C1orf198: variants seen among roughly 807,000 people sequenced by gnomAD.
C1orf198 encodes the protein chromosome 1 open reading frame 198, also known as uncharacterized protein C1orf198.
A neutral mutation model predicts 31.4 loss-of-function variants in C1orf198; 17 were observed. That is an observed-to-expected ratio of 0.54 (90% CI 0.37 to 0.81). The LOEUF is 0.81. Among genes scored for constraint, C1orf198 ranks in the 40% least tolerant of loss-of-function variants. The pLI is 0.00. For missense variants in C1orf198, 401 were observed against 450.3 expected, an observed-to-expected ratio of 0.89 and a Z score of 0.99; for synonymous variants, 175 against 193.8, an observed-to-expected ratio of 0.90 and a Z score of 0.81.
At chr1:230,862,161 C>A (rs968893074) in intron 1 of C1orf198, among the ~76,000 whole-genome samples, 7 of 152,132 alleles carry the variant, frequency 4.6e-5, no homozygotes, top group Non-Finnish European at 1.0e-4. Context: ...TCAGAGATGC[C>A]AGAGCCTGTC....
At chr1:230,841,344 G>A (rs1669435806) in intron 3 of C1orf198, among the ~76,000 whole-genome samples, 3 of 152,178 alleles carry the variant, frequency 2.0e-5, no homozygotes, top group South Asian at 2.1e-4. Flanking sequence ...CTCCCTCCTC[G>A]GGAGGACAGC....
At chr1:230,849,480 A>G (rs1669682947) in intron 2 of C1orf198, among the ~76,000 whole-genome samples, 1 of 152,158 alleles carries the variant, frequency 6.6e-6, no homozygotes, top group African/African-American at 2.4e-5. Flanking sequence ...CCCAGCCTCA[A>G]TGTCCCAAGT....
At position 230,843,190 on chromosome 1, in the gene C1orf198, T is replaced by C. The variant is rs1316862395; in HGVS notation, c.927+164A>G. Among the ~76,000 whole-genome samples, 3 of 152,048 alleles carry C rather than the reference T, an allele frequency of 2.0e-5. No individual in the cohort carries two copies. Among genetic ancestry groups the C allele is most frequent in the Non-Finnish European group, 2.9e-5 (2 of 68,018 alleles). On this transcript the variant is annotated intron_variant, in intron 3 of 3. Coordinates refer to ENST00000366663, the MANE Select transcript of C1orf198 (RefSeq NM_032800.3). This position sits in a 1 kb window ranked among gnomAD's most constrained non-coding sequence, Gnocchi z 4.9. ...ACTTGTCTTGTTGCATATTTGTTGG[T>C]GGCTCAGCACCCTGAGCCTAGGCAT...
At chr1:230,852,676 AT>A (rs1297611868) in intron 2 of C1orf198, among the ~76,000 whole-genome samples, 2 of 152,228 alleles carry the variant, frequency 1.3e-5, no homozygotes, top group African/African-American at 4.8e-5. Context: ...AAGATGGAAA[AT>A]TTTATGTTGT....
In C1orf198 at chr1:230,857,579, T is replaced by C. The variant is rs1434735624; in HGVS notation, c.334-1861A>G. Among the ~76,000 whole-genome samples, 1 of 152,060 alleles carries C rather than the reference T, an allele frequency of 6.6e-6. No homozygotes were observed. The highest frequency in any genetic ancestry group is 2.4e-5 in the African/African-American group (1 of 41,382). On this transcript the variant is annotated intron_variant, in intron 1 of 3. Transcript: ENST00000366663. The surrounding 1 kb of genome is among the most constrained non-coding windows in gnomAD (Gnocchi z 4.2). The stretch of plus-strand genomic sequence containing the variant: ...TGCTGTGTGCCTTGGCTCTGTGCAG[T>C]AGAGGCTGGTACATTTGTGGCACAA...
chr1:230,841,300 C>A (rs771596659), intron 3 of C1orf198, among the ~76,000 whole-genome samples: 3 of 152,128 alleles, frequency 2.0e-5, no homozygotes, highest in Non-Finnish European at 2.9e-5. Context: ...GATGTGGAGC[C>A]GAGGTGGGCA....
At chr1:230,850,584 A>T (rs1472638423) in intron 2 of C1orf198, among the ~76,000 whole-genome samples, 1 of 152,104 alleles carries the variant, frequency 6.6e-6, no homozygotes, top group Non-Finnish European at 1.5e-5. Flanking sequence ...CGAGTGACGC[A>T]TCGTCCCACA....
chr1:230,849,704 G>A (rs1669691163), intron 2 of C1orf198, among the ~76,000 whole-genome samples: 1 of 152,252 alleles, frequency 6.6e-6, no homozygotes, highest in South Asian at 2.1e-4. Flanking sequence ...AAAACTAACT[G>A]TTTGGCTTGG....
rs34864456 is a variant in C1orf198, at chr1:230,843,461, C to A, written c.820G>T (p.Ala274Ser). The A allele has an allele frequency of 0.015, 24,404 of 1,608,900 alleles. 2,810 individuals are homozygous for A. In the African/African-American group the frequency reaches 0.27, roughly 17 times the overall value. Reference protein sequence around the residue: ...RPQPVQAFSSALHEAAPSQLE... With the variant: ...RPQPVQAFSSSLHEAAPSQLE... ...TGGGAGGGGGCAGCCTCGTGCAGTG[C>A]ACTGCTGAAGGCCTGGACAGGCTGG... The change falls in exon 3 of 4, where the codon GCA becomes TCA. Residue 274 changes from alanine (A) to serine (S), a missense_variant. Coordinates refer to ENST00000366663, the MANE Select transcript of C1orf198 (RefSeq NM_032800.3). The surrounding 1 kb of genome is among the most constrained non-coding windows in gnomAD (Gnocchi z 4.9).
intron 1 of C1orf198, among the ~76,000 whole-genome samples, chr1:230,863,571 C>G (rs1670046122): frequency 6.6e-6 from 1 of 152,236 alleles, no homozygotes; most frequent in South Asian, 2.1e-4. Flanking sequence ...TTTGCTAAAC[C>G]TGTTCCCTGG....
At position 230,843,568 on chromosome 1, in the gene C1orf198, C is replaced by G; in HGVS notation, c.713G>C (p.Arg238Thr). The G allele has an allele frequency of 1.2e-6, 2 of 1,613,992 alleles. No homozygotes were observed. Among genetic ancestry groups the G allele is most frequent in the Non-Finnish European group, 1.7e-6 (2 of 1,179,886 alleles). Residue 238 changes from arginine to threonine, a missense_variant, in exon 3 of 4, where the codon AGG becomes ACG. Physicochemically the swap from Arg to Thr is moderately conservative, Grantham distance 71. Coordinates refer to ENST00000366663, the MANE Select transcript of C1orf198 (RefSeq NM_032800.3). The surrounding 1 kb of genome is among the most constrained non-coding windows in gnomAD (Gnocchi z 4.9). Reference sequence around the variant, plus strand: ...GCTGGGCCTTTCCACCTTGGCCTCCCTGTCCTTCGGGGCAGGTTCCTGCCG... The same window carrying G: ...GCTGGGCCTTTCCACCTTGGCCTCCGTGTCCTTCGGGGCAGGTTCCTGCCG... Reference protein sequence around the residue: ...CYRQEPAPKDREAKVERPSTL... With the variant: ...CYRQEPAPKDTEAKVERPSTL...
At chr1:230,867,746 A>G (rs1572142630) in intron 1 of C1orf198, among the ~76,000 whole-genome samples, 1 of 152,076 alleles carries the variant, frequency 6.6e-6, no homozygotes, top group African/African-American at 2.4e-5. Context: ...TGGCGTTATT[A>G]CCCCCGTTTT....
chr1:230,865,905 G>A (rs188914812), intron 1 of C1orf198, among the ~76,000 whole-genome samples: 211 of 152,320 alleles, frequency 1.4e-3, no homozygotes, highest in African/African-American at 4.8e-3. Flanking sequence ...ATGGGGGAGA[G>A]GATACCATTC....
At chr1:230,855,117 ATGAAT>A (rs906010161) in intron 2 of C1orf198, among the ~76,000 whole-genome samples, 14 of 152,206 alleles carry the variant, frequency 9.2e-5, no homozygotes, top group African/African-American at 3.4e-4. Context: ...GATGGGGAAA[ATGAAT>A]TAAAATCAGT....
chr1:230,839,191 AAAC>A lies in C1orf198; in HGVS notation c.*658_*660del, dbSNP rs1478534819. 5 of 152,406 alleles carry A rather than the reference AAAC, an allele frequency of 3.3e-5. No homozygotes were observed. Among genetic ancestry groups the A allele is most frequent in the Admixed American group, 3.3e-4 (5 of 15,310 alleles). 9.4% of individuals were successfully genotyped at this position (152,406 alleles called of 1,614,324 possible). On this transcript the variant is annotated 3_prime_UTR_variant, in exon 4 of 4. Coordinates refer to ENST00000366663, the MANE Select transcript of C1orf198 (RefSeq NM_032800.3). ...ACTCTTTAAACATGCAACTCTTTTT[AAAC>A]AACAATCCATACTCTGAATATGTAT...
intron 2 of C1orf198, among the ~76,000 whole-genome samples, chr1:230,847,354 A>G (rs1642573275): frequency 6.6e-6 from 1 of 152,186 alleles, no homozygotes; most frequent in Non-Finnish European, 1.5e-5. Flanking sequence ...TAGATTACTC[A>G]GTGTGCCTGA....
chr1:230,851,041 A>G (rs1669728535), intron 2 of C1orf198, among the ~76,000 whole-genome samples: 2 of 151,760 alleles, frequency 1.3e-5, no homozygotes, highest in African/African-American at 4.8e-5. Flanking sequence ...AAGAATTCAG[A>G]GTACACACAC....
In C1orf198 at chr1:230,857,839, A is replaced by C. The variant is rs1669914862; in HGVS notation, c.334-2121T>G. Among the ~76,000 whole-genome samples the C allele has an allele frequency of 6.6e-6, 1 of 152,216 alleles. No individual in the cohort carries two copies. Among genetic ancestry groups the C allele is most frequent in the African/African-American group, 2.4e-5 (1 of 41,452 alleles). On this transcript the variant is annotated intron_variant, in intron 1 of 3. Coordinates refer to ENST00000366663, the MANE Select transcript of C1orf198 (RefSeq NM_032800.3). This position sits in a 1 kb window ranked among gnomAD's most constrained non-coding sequence, Gnocchi z 4.2. ...CTGCATTAAAGTGTATCAAACAGTCAGTTCTGAGAACCACATAGTGTGTGC... is the reference window on the plus strand; with the variant it reads ...CTGCATTAAAGTGTATCAAACAGTCCGTTCTGAGAACCACATAGTGTGTGC...
At chr1:230,847,307 A>G (rs1257572116) in intron 2 of C1orf198, among the ~76,000 whole-genome samples, 1 of 151,922 alleles carries the variant, frequency 6.6e-6, no homozygotes, top group Non-Finnish European at 1.5e-5. Flanking sequence ...AAAAAGAAAC[A>G]GCCATCAAAG....
Sources: allele counts gnomAD v4.1 joint callset (sites outside exome capture counted in the v4.1 genomes callset), GRCh38; gene constraint gnomAD v4.1.1; non-coding constraint Gnocchi (gnomAD v3.1); transcripts MANE v1.5; gene names NCBI Gene and HGNC (gene_info 2026-07-23, HGNC 2026-07-21).